RRM1: variants seen among roughly 807,000 people sequenced by gnomAD.
The protein encoded by RRM1 is ribonucleotide reductase catalytic subunit M1.
In RRM1, 19 loss-of-function variants were observed where a neutral mutation model predicts 101.5. The observed-to-expected ratio is 0.19, with a 90% CI of 0.13 to 0.27. The LOEUF (loss-of-function observed/expected upper bound fraction) is 0.27, where lower values mean the gene tolerates loss of function less well. Among genes scored for constraint, RRM1 ranks in the 10% least tolerant of loss-of-function variants. The pLI, the probability that RRM1 is intolerant of heterozygous loss-of-function variation, is 1.00. For missense variants in RRM1, 500 were observed against 962.9 expected (o/e 0.52, Z 6.36); for synonymous variants, 298 against 323.4 (o/e 0.92, Z 0.84).
chr11:4,135,298 AAT>A (rs1033800369), intron 18 of RRM1, 28 bp downstream of exon 18: 1 of 1,503,496 alleles, frequency 6.7e-7, no homozygotes, highest in African/African-American at 1.4e-5. Flanking sequence ...AGGAGTACTT[AAT>A]TGCCAGCTTG....
At position 4,111,961 on chromosome 11, in the gene RRM1, T is replaced by C. The variant is rs768752773; in HGVS notation, c.549T>C (p.Ile183=). 12 of 1,613,984 alleles carry C rather than the reference T, an allele frequency of 7.4e-6. No homozygotes were observed. The highest frequency in any genetic ancestry group is 1.0e-5 in the Non-Finnish European group (12 of 1,179,978). ...RVSVGIHKED[I]DAAIETYNLL... ...CTGTTGGGATCCACAAAGAAGACAT[T>C]GATGCAGCAATTGAAACATATAATC... is the stretch of plus-strand genomic sequence containing the variant. Residue 183 remains isoleucine, a synonymous_variant, in exon 7 of 19, where the codon ATT becomes ATC. Coordinates refer to ENST00000300738, the MANE Select transcript of RRM1 (RefSeq NM_001033.5).
intron 18 of RRM1, among the ~76,000 whole-genome samples, chr11:4,137,871 G>A (rs566717279): frequency 1.9e-5 from 1 of 53,722 alleles, no homozygotes; most frequent in Non-Finnish European, 4.3e-5. Context: ...CCTCCCTCCC[G>A]GACGGGGCGG....
Position 4,126,810 on chromosome 11 carries a change from A to G in RRM1, c.1447A>G (p.Ile483Val), listed in dbSNP as rs752046585. 8 of 1,612,754 alleles carry G rather than the reference A, an allele frequency of 5.0e-6. No individual in the cohort carries two copies. The highest frequency in any genetic ancestry group is 4.4e-5 in the South Asian group (4 of 90,962). ...CCGAAACTTGAATAAAATTATTGAT[A>G]TAAACTACTATCCTGTACCAGAGGT... The part of the protein sequence containing the change: ...VVRNLNKIID[I>V]NYYPVPEACL... The change falls in exon 13 of 19, where the codon ATA becomes GTA. Residue 483 changes from isoleucine (I) to valine (V), a missense_variant. Physicochemically the swap from Ile to Val is conservative, Grantham distance 29 (BLOSUM62 3). This residue lies in a region of RRM1 where 106 missense variants were observed against 138.1 expected (regional missense o/e 0.77). Transcript: ENST00000300738.
chr11:4,125,428 G>T (rs1455893417), intron 12 of RRM1, among the ~76,000 whole-genome samples: 1 of 152,204 alleles, frequency 6.6e-6, no homozygotes, highest in Admixed American at 6.5e-5. Flanking sequence ...TCATGTTGTA[G>T]CATGTATCAG....
chr11:4,127,719 C>T (rs1048127019), intron 14 of RRM1, among the ~76,000 whole-genome samples: 3 of 152,160 alleles, frequency 2.0e-5, no homozygotes, highest in Non-Finnish European at 2.9e-5. Flanking sequence ...TTGCACCAGC[C>T]ATAGGAAACT....
chr11:4,133,980 A>ATTTTTTTTTTTTTTTTT (rs34715101), intron 17 of RRM1, among the ~76,000 whole-genome samples: 1 of 90,866 alleles, frequency 1.1e-5, no homozygotes, highest in African/African-American at 4.5e-5. Flanking sequence ...CCAGACATCA[A>ATTTTTTTTTTTTTTTTT]TTTTTTTTTT....
chr11:4,125,773 C>T (rs979072384), intron 12 of RRM1, among the ~76,000 whole-genome samples: 4 of 152,164 alleles, frequency 2.6e-5, no homozygotes, highest in Admixed American at 1.3e-4. Context: ...ATCCCCAGTA[C>T]TCTCTGTCTT....
intron 12 of RRM1, 57 bp from the exon 13 acceptor site, chr11:4,126,627 G>C: frequency 6.5e-7 from 1 of 1,534,200 alleles, no homozygotes; most frequent in Non-Finnish European, 8.8e-7. Context: ...TGGTGTAATT[G>C]ACACAGGAAG....
chr11:4,098,175 A>T (rs934216323), intron 1 of RRM1, among the ~76,000 whole-genome samples: 4 of 152,332 alleles, frequency 2.6e-5, no homozygotes, highest in African/African-American at 9.6e-5. Context: ...ATATGTGGAT[A>T]CACATAAAAT....
At chr11:4,107,662 G>A (rs1188003930) in intron 4 of RRM1, 127 bp downstream of exon 4, 15 of 615,908 alleles carry the variant, frequency 2.4e-5, no homozygotes, top group Non-Finnish European at 4.3e-5. Flanking sequence ...CCTGATTCCT[G>A]ATTTTCCTCT....
At chr11:4,105,882 C>T (rs568424824) in intron 2 of RRM1, among the ~76,000 whole-genome samples, 164 bp from the exon 3 acceptor site, 5 of 151,462 alleles carry the variant, frequency 3.3e-5, no homozygotes, top group Non-Finnish European at 4.4e-5. Flanking sequence ...TTAATAGTGT[C>T]GTGAACTGCT....
At chr11:4,102,651 CAAAA>C (rs780209887) in intron 2 of RRM1, among the ~76,000 whole-genome samples, 1 of 82,110 alleles carries the variant, frequency 1.2e-5, no homozygotes. Context: ...GACTCCCTCT[CAAAA>C]AAAAAAAAAA....
At chr11:4,131,477 T>C (rs1385728173) in intron 15 of RRM1, among the ~76,000 whole-genome samples, 1 of 152,178 alleles carries the variant, frequency 6.6e-6, no homozygotes, top group African/African-American at 2.4e-5. Context: ...CTCTTTGTGT[T>C]TTAAAAACTT....
At chr11:4,119,988 A>C (rs1025584800) in intron 9 of RRM1, 60 bp downstream of exon 9, 1 of 969,106 alleles carries the variant, frequency 1.0e-6, no homozygotes, top group Non-Finnish European at 1.6e-6. Flanking sequence ...AGTCATATAC[A>C]CTTAAGATGG....
rs1206940362 is a variant in RRM1 at position 4,130,084 on chromosome 11, ATATTTTTT to A, written c.1769+936_1769+943del. Reference sequence around the variant, plus strand: ...ACTGTATTTATATATATATATATATATATTTTTTTTTTTTTTTTTTCCCCTCAAAATAC... The same window carrying A: ...ACTGTATTTATATATATATATATATATTTTTTTTTTTTCCCCTCAAAATAC... On this transcript the variant is annotated intron_variant, in intron 15 of 18. Coordinates refer to ENST00000300738, the MANE Select transcript of RRM1 (RefSeq NM_001033.5). Among the ~76,000 whole-genome samples, 22 of 97,968 alleles carry A rather than the reference ATATTTTTT, an allele frequency of 2.2e-4. 1 individual carries two copies. The highest frequency in any genetic ancestry group is 1.4e-3 in the South Asian group (4 of 2,898). 64.3% of individuals were successfully genotyped at this position (97,968 alleles called of 152,430 possible).
intron 18 of RRM1, chr11:4,137,973 G>A (rs1184817226): frequency 9.9e-6 from 1 of 100,578 alleles, no homozygotes; most frequent in African/African-American, 3.8e-5. Flanking sequence ...CTTCCCAGAT[G>A]GGGCGGCTGG....
At chr11:4,118,151 A>G (rs2094576399) in intron 7 of RRM1, among the ~76,000 whole-genome samples, 169 bp from the exon 8 acceptor site, 1 of 151,288 alleles carries the variant, frequency 6.6e-6, no homozygotes. Flanking sequence ...GATATGTTTT[A>G]TTGTGTCATG....
intron 7 of RRM1, among the ~76,000 whole-genome samples, chr11:4,114,819 T>C (rs1374523023): frequency 2.0e-5 from 3 of 152,030 alleles, no homozygotes; most frequent in Non-Finnish European, 4.4e-5. Context: ...TCCAAGTGAT[T>C]CTCCTGCCTC....
At chr11:4,103,281 A>C (rs1042028262) in intron 2 of RRM1, among the ~76,000 whole-genome samples, 1 of 152,256 alleles carries the variant, frequency 6.6e-6, no homozygotes, top group African/African-American at 2.4e-5. Flanking sequence ...TATCTTGAAA[A>C]TATGTTTATT....
Sources: gnomAD v4.1 joint callset for allele counts (sites outside exome capture counted in the v4.1 genomes callset) on GRCh38, gnomAD v4.1.1 for gene constraint, gnomAD v4.1.1 regional missense constraint, MANE v1.5 for transcripts, NCBI Gene and HGNC (gene_info 2026-07-23, HGNC 2026-07-21) for gene names.